PTPRO: variants seen among roughly 807,000 people sequenced by gnomAD.
PTPRO encodes the protein protein tyrosine phosphatase receptor type O.
PTPRO carries 62 observed loss-of-function variants against 145.2 expected under a neutral mutation model. The ratio of observed to expected loss-of-function variants is 0.43; its 90% CI spans 0.35 to 0.53. PTPRO has a LOEUF of 0.53. Ranked by LOEUF, PTPRO falls within the 20% of genes least tolerant of loss-of-function variation. The pLI is 0.01. For missense variants in PTPRO, 1,345 were observed against 1,482.7 expected (o/e 0.91, Z 1.53); for synonymous variants, 565 against 514.7 (o/e 1.10, Z -1.32).
At chr12:15,540,104 T>C (rs1943151570) in intron 12 of PTPRO, among the ~76,000 whole-genome samples, 1 of 152,194 alleles carries the variant, frequency 6.6e-6, no homozygotes, top group Admixed American at 6.5e-5. Context: ...TAACTCACCC[T>C]GAATAATTTC....
chr12:15,389,579 ATAGAG>A (rs1304521926), intron 1 of PTPRO, among the ~76,000 whole-genome samples: 1 of 152,200 alleles, frequency 6.6e-6, no homozygotes, highest in Admixed American at 6.5e-5. Flanking sequence ...ATTGCTGTCA[ATAGAG>A]TAAATTGCTG....
rs781488562 is a variant in PTPRO, at chr12:15,503,866, G to C, written c.1106-42G>C. On this transcript the variant is annotated intron_variant, in intron 5 of 26. Coordinates refer to ENST00000281171, the MANE Select transcript of PTPRO (RefSeq NM_030667.3). Reference sequence around the variant, plus strand: ...CTTGTCTATACCCAGGGCCTTTCCAGGTGTCTATTCATGTATCTTCTCTTT... The same window carrying C: ...CTTGTCTATACCCAGGGCCTTTCCACGTGTCTATTCATGTATCTTCTCTTT... The C allele has an allele frequency of 5.3e-6, 8 of 1,502,498 alleles. No individual in the cohort carries two copies. The Admixed American group carries it at 1.4e-4, about 26-fold the overall frequency. 93.1% of individuals were successfully genotyped at this position (1,502,498 alleles called of 1,614,324 possible).
intron 1 of PTPRO, among the ~76,000 whole-genome samples, chr12:15,360,890 GTGTATATACACACACATATATACACACA>G (rs1938175976): frequency 3.7e-5 from 4 of 106,924 alleles, no homozygotes; most frequent in East Asian, 2.5e-4. Context: ...ACATACACAT[GTGTATATACACACACATATATACACACA>G]TGTATATACA....
intron 1 of PTPRO, chr12:15,348,149 C>A (rs1457834045): frequency 6.6e-6 from 1 of 152,188 alleles, no homozygotes; most frequent in Non-Finnish European, 1.5e-5. Flanking sequence ...AAGGACCTTA[C>A]AACAGCAAGA....
At chr12:15,495,249 GTTT>G (rs909702887) in intron 2 of PTPRO, among the ~76,000 whole-genome samples, 3 of 151,388 alleles carry the variant, frequency 2.0e-5, no homozygotes, top group African/African-American at 7.3e-5. Context: ...TGTAGATGCT[GTTT>G]TTCAGAAAAC....
intron 7 of PTPRO, among the ~76,000 whole-genome samples, chr12:15,510,936 G>A (rs1251763984): frequency 7.0e-6 from 1 of 143,534 alleles, no homozygotes; most frequent in Non-Finnish European, 1.5e-5. Context: ...GGAAGCTAAG[G>A]TGGGCAGATC....
chr12:15,347,684 T>G (rs1867273391), intron 1 of PTPRO, among the ~76,000 whole-genome samples: 1 of 152,190 alleles, frequency 6.6e-6, no homozygotes, highest in African/African-American at 2.4e-5. Flanking sequence ...CTGCAAGTAT[T>G]AACAAAAAAG....
intron 25 of PTPRO, among the ~76,000 whole-genome samples, chr12:15,591,740 G>A (rs1469578778): frequency 6.6e-6 from 1 of 151,948 alleles, no homozygotes; most frequent in African/African-American, 2.4e-5. Flanking sequence ...GCACACGCCT[G>A]TAGTCCCAGC....
chr12:15,324,931 G>T (rs994457940), intron 1 of PTPRO, among the ~76,000 whole-genome samples: 4 of 152,098 alleles, frequency 2.6e-5, no homozygotes, highest in African/African-American at 4.8e-5. Flanking sequence ...AGATATTTTT[G>T]AATTAAAGGT....
chr12:15,403,629 T>G (rs1230321343), intron 1 of PTPRO, among the ~76,000 whole-genome samples: 1 of 152,142 alleles, frequency 6.6e-6, no homozygotes, highest in Non-Finnish European at 1.5e-5. Flanking sequence ...AATTTCAGCT[T>G]AATTATCCCC....
At chr12:15,475,672 C>T (rs1331874094) in intron 1 of PTPRO, among the ~76,000 whole-genome samples, 3 of 151,866 alleles carry the variant, frequency 2.0e-5, no homozygotes. Context: ...AAGGATTTTC[C>T]ATCAGCTCTC....
rs377452452 is a variant in PTPRO, at chr12:15,475,338, A to T, written c.76-8636A>T. Among the ~76,000 whole-genome samples, 396 of 152,350 alleles carry T rather than the reference A, an allele frequency of 2.6e-3. 1 individual carries two copies. The highest frequency in any genetic ancestry group is 9.3e-3 in the African/African-American group (386 of 41,580). The stretch of plus-strand genomic sequence containing the variant: ...CAGATTTCAATGCTACTGGTTACTC[A>T]GTGCCTGATTTGTCTACATTTTGCT... On this transcript the variant is annotated intron_variant, in intron 1 of 26. Coordinates refer to ENST00000281171, the MANE Select transcript of PTPRO (RefSeq NM_030667.3).
intron 12 of PTPRO, among the ~76,000 whole-genome samples, chr12:15,537,052 C>T (rs973095329): frequency 4.6e-5 from 7 of 151,992 alleles, no homozygotes; most frequent in Non-Finnish European, 1.0e-4. Context: ...AGATTTGCGG[C>T]CTGAGCAATT....
intron 1 of PTPRO, among the ~76,000 whole-genome samples, chr12:15,448,788 T>G (rs1940973827): frequency 6.6e-6 from 1 of 152,110 alleles, no homozygotes; most frequent in South Asian, 2.1e-4. Context: ...TTCTGTTGAT[T>G]GAAAAATTGA....
At chr12:15,389,384 G>A (rs561477597) in intron 1 of PTPRO, among the ~76,000 whole-genome samples, 2 of 152,076 alleles carry the variant, frequency 1.3e-5, no homozygotes, top group Non-Finnish European at 2.9e-5. Flanking sequence ...TGGGATTACA[G>A]GCGAGAGACA....
At chr12:15,342,899 A>G (rs1867052128) in intron 1 of PTPRO, among the ~76,000 whole-genome samples, 1 of 152,204 alleles carries the variant, frequency 6.6e-6, no homozygotes, top group Non-Finnish European at 1.5e-5. Context: ...GTCACCAATT[A>G]TTCAGGTATG....
chr12:15,406,306 A>C (rs904474811), intron 1 of PTPRO, among the ~76,000 whole-genome samples: 1 of 152,226 alleles, frequency 6.6e-6, no homozygotes, highest in Non-Finnish European at 1.5e-5. Context: ...GTAGGGATAC[A>C]TGCAGAGATA....
At chr12:15,573,990 C>T (rs17222103) in intron 19 of PTPRO, among the ~76,000 whole-genome samples, 33,437 of 152,098 alleles carry the variant, frequency 0.22, 3,833 homozygotes, top group Middle Eastern at 0.27. Context: ...ATAATTCCAG[C>T]AGCTGAACTT....
intron 18 of PTPRO, among the ~76,000 whole-genome samples, chr12:15,567,389 C>T (rs1943927707): frequency 3.3e-5 from 5 of 150,370 alleles, no homozygotes; most frequent in Admixed American, 2.6e-4. Flanking sequence ...TCCTCTTTTT[C>T]TTTTTCCTCT....
Sources: allele counts gnomAD v4.1 joint callset (sites outside exome capture counted in the v4.1 genomes callset), GRCh38; gene constraint gnomAD v4.1.1; transcripts MANE v1.5; gene names NCBI Gene and HGNC (gene_info 2026-07-23, HGNC 2026-07-21).